HSPG2: variants seen among roughly 807,000 people sequenced by gnomAD.
HSPG2 encodes basement membrane-specific heparan sulfate proteoglycan core protein.
HSPG2 carries 278 observed loss-of-function variants against 526.6 expected under a neutral mutation model. The ratio of observed to expected loss-of-function variants is 0.53; its 90% CI spans 0.48 to 0.58. The LOEUF (loss-of-function observed/expected upper bound fraction) is 0.58. HSPG2 is among the 20% of genes least tolerant of loss of function. The pLI is 0.00. For synonymous variants in HSPG2, 2,465 were observed against 2,555.4 expected (o/e 0.96, Z 1.07); for missense variants, 5,354 against 6,099.5 (o/e 0.88, Z 4.07).
At chr1:21,889,931 G>C in intron 6 of HSPG2, 50 bp downstream of exon 6, 1 of 1,605,028 alleles carries the variant, frequency 6.2e-7, no homozygotes, top group Non-Finnish European at 8.5e-7. Flanking sequence ...CACTGAAAGG[G>C]GACCCCACGA....
chr1:21,925,880 T>C (rs1351141852), intron 1 of HSPG2, among the ~76,000 whole-genome samples: 1 of 152,030 alleles, frequency 6.6e-6, no homozygotes, highest in Non-Finnish European at 1.5e-5. Context: ...ATTTTTATTT[T>C]TTTTTTTGAG....
intron 71 of HSPG2, among the ~76,000 whole-genome samples, chr1:21,840,392 AC>A (rs1424451001): frequency 2.0e-5 from 3 of 151,620 alleles, no homozygotes; most frequent in Admixed American, 2.0e-4. Context: ...TGAAAGCTCT[AC>A]CTCCCAGGTT....
At chr1:21,913,126 T>C (rs190165442) in intron 1 of HSPG2, among the ~76,000 whole-genome samples, 78 of 152,258 alleles carry the variant, frequency 5.1e-4, no homozygotes, top group African/African-American at 1.7e-3. Flanking sequence ...CAAAGGGTCA[T>C]TTACCTTTCA....
rs1350310299 is a variant in HSPG2 at position 21,854,253 on chromosome 1, C to T, written c.6379G>A (p.Glu2127Lys). 6 of 1,590,566 alleles carry T rather than the reference C, an allele frequency of 3.8e-6. No individual in the cohort carries two copies. The highest frequency in any genetic ancestry group is 1.8e-5 in the Admixed American group (1 of 56,968). ...CRVENGSGPK[E>K]ASITVSVLHG... ...AGCACAGACACAGTAATGGAGGCCT[C>T]CTTGGGGCCCGATCCATTCTCCACA... The change falls in exon 50 of 97, where the codon GAG (glutamate) becomes AAG (lysine). Residue 2127 changes from glutamate to lysine, a missense_variant. Physicochemically the swap from Glu to Lys is moderately conservative, Grantham distance 56. Coordinates refer to ENST00000374695, the MANE Select transcript of HSPG2 (RefSeq NM_005529.7).
rs777957604 is a variant in HSPG2 at position 21,857,339 on chromosome 1, G to A, written c.5340C>T (p.Ser1780=). 1.9e-6 allele frequency: 3 copies of A among 1,614,030 alleles called. No homozygotes were observed. Among genetic ancestry groups the A allele is most frequent in the South Asian group, 2.2e-5 (2 of 91,080 alleles). The change falls in exon 43 of 97, where the codon AGC becomes AGT. Residue 1780 remains serine, a synonymous_variant. Coordinates refer to ENST00000374695, the MANE Select transcript of HSPG2 (RefSeq NM_005529.7). ...CGTCAGCTCCGGGGCGCACGCTCTG[G>A]CTCCGCTGCTCCTCCACAGTCACTG... ...PITVTVEEQR[S]QSVRPGADVT...
At chr1:21,911,840 C>A (rs573853070) in intron 1 of HSPG2, among the ~76,000 whole-genome samples, 9 of 152,194 alleles carry the variant, frequency 5.9e-5, no homozygotes, top group Non-Finnish European at 1.3e-4. Context: ...ACTCCCAGTT[C>A]GGTGCCAAGC....
chr1:21,825,121 C>T (rs1387385839), intron 91 of HSPG2: 2 of 374,256 alleles, frequency 5.3e-6, no homozygotes, highest in East Asian at 6.3e-5. Flanking sequence ...ATATCATTTA[C>T]ACATATTGCT....
intron 1 of HSPG2, chr1:21,908,078 T>C: frequency 1.3e-6 from 1 of 762,888 alleles, no homozygotes; most frequent in Non-Finnish European, 2.4e-6. Flanking sequence ...GGAACCGCCA[T>C]CTTCCAGTAA....
Position 21,887,456 on chromosome 1 carries a change from C to T in HSPG2, c.922G>A (p.Glu308Lys). 1 of 1,614,064 alleles carries T rather than the reference C, an allele frequency of 6.2e-7. No individual in the cohort carries two copies. Reference sequence around the variant, plus strand: ...TCATCGCTGCCGTCCTCGCAGTCCTCCTGTCCGTCGCAGAGGTAGTCTCTG... The same window carrying T: ...TCATCGCTGCCGTCCTCGCAGTCCTTCTGTCCGTCGCAGAGGTAGTCTCTG... The part of the protein sequence containing the change: ...IPRDYLCDGQ[E>K]DCEDGSDELD... The change falls in exon 8 of 97, where the codon GAG becomes AAG. Residue 308 changes from glutamate (E) to lysine (K), a missense_variant. Glu to Lys is a moderately conservative substitution (Grantham distance 56). Coordinates refer to ENST00000374695, the MANE Select transcript of HSPG2 (RefSeq NM_005529.7). The surrounding 1 kb of genome is among the most constrained non-coding windows in gnomAD (Gnocchi z 5.0).
rs191791205 is a variant in HSPG2, at chr1:21,895,054, G to A, written c.244+868C>T. Among the ~76,000 whole-genome samples the A allele has an allele frequency of 4.6e-5, 7 of 152,332 alleles. No homozygotes were observed. The East Asian group carries it at 1.4e-3, about 29-fold the overall frequency. ...CCCCGGATATGTCAGCTAAAGGGAG[G>A]TGACTCCACCCCTGAAGTAGGCCCA... is the stretch of plus-strand genomic sequence containing the variant. On this transcript the variant is annotated intron_variant, in intron 3 of 96. Coordinates refer to ENST00000374695, the MANE Select transcript of HSPG2 (RefSeq NM_005529.7). This position sits in a 1 kb window ranked among gnomAD's most constrained non-coding sequence, Gnocchi z 4.1.
chr1:21,829,280 C>G, intron 87 of HSPG2, 103 bp downstream of exon 87: 1 of 1,421,584 alleles, frequency 7.0e-7, no homozygotes, highest in Non-Finnish European at 9.9e-7. Context: ...GGGACTTGCC[C>G]TGATCCCTGC....
chr1:21,909,475 A>G (rs982062256), intron 1 of HSPG2, among the ~76,000 whole-genome samples: 1 of 152,212 alleles, frequency 6.6e-6, no homozygotes, highest in Non-Finnish European at 1.5e-5. Context: ...CATGTCTCAC[A>G]ATGTAAAAAC....
chr1:21,845,133 C>T (rs1638327261), intron 64 of HSPG2, among the ~76,000 whole-genome samples: 1 of 152,154 alleles, frequency 6.6e-6, no homozygotes, highest in Non-Finnish European at 1.5e-5. Flanking sequence ...GTAATCCCAG[C>T]TACTCAGGAG....
At chr1:21,832,250 CATGCATGA>C (rs1315621090) in intron 81 of HSPG2, among the ~76,000 whole-genome samples, 1 of 152,154 alleles carries the variant, frequency 6.6e-6, no homozygotes, top group African/African-American at 2.4e-5. Context: ...CTGATGCATG[CATGCATGA>C]ATGAATGAAT....
intron 1 of HSPG2, among the ~76,000 whole-genome samples, chr1:21,901,779 TG>T (rs1442130212): frequency 3.3e-5 from 5 of 152,066 alleles, no homozygotes; most frequent in African/African-American, 4.8e-5. Context: ...CCAGAGACAG[TG>T]CAGGGGCGGG....
At chr1:21,916,440 G>A (rs966008610) in intron 1 of HSPG2, among the ~76,000 whole-genome samples, 1 of 152,138 alleles carries the variant, frequency 6.6e-6, no homozygotes, top group Admixed American at 6.6e-5. Flanking sequence ...TGGAGGCAAA[G>A]CTCGCGGTGA....
rs557473153 is a variant in HSPG2 at position 21,835,330 on chromosome 1, C to G, written c.10453+210G>C. The G allele has an allele frequency of 5.5e-4, 343 of 618,594 alleles. 10 individuals carry two copies. The South Asian group carries it at 6.2e-3, about 11-fold the overall frequency. 38.3% of individuals were successfully genotyped at this position (618,594 alleles called of 1,614,324 possible). ...TCATCGGTTCATCTGAGCACTCACA[C>G]ACTCCATCCATATCCTTCTTCCCTC... On this transcript the variant is annotated intron_variant, in intron 76 of 96. Transcript: ENST00000374695.
chr1:21,863,640 G>C (rs944894941), intron 37 of HSPG2, among the ~76,000 whole-genome samples: 1 of 151,728 alleles, frequency 6.6e-6, no homozygotes, highest in Non-Finnish European at 1.5e-5. Context: ...CCAGCTACTC[G>C]GGAGGCTGAG....
Position 21,874,410 on chromosome 1 carries a change from C to T in HSPG2, c.3652G>A (p.Gly1218Ser), listed in dbSNP as rs778103999. 16 of 1,611,192 alleles carry T rather than the reference C, an allele frequency of 9.9e-6. No individual in the cohort carries two copies. The highest frequency in any genetic ancestry group is 1.3e-5 in the Non-Finnish European group (15 of 1,179,682). The change falls in exon 28 of 97, where the codon GGC (glycine) becomes AGC (serine). Residue 1218 changes from glycine to serine, a missense_variant. By Grantham distance (56) the Gly-to-Ser change is moderately conservative (BLOSUM62 0). Coordinates refer to ENST00000374695, the MANE Select transcript of HSPG2 (RefSeq NM_005529.7). ...GCAGGCAGGGACTGGACGCACTGGC[C>T]GGCAGCAGGGTCTCCGTAGCAGGGG... ...LCPCYGDPAA[G>S]QAAHTCFLDT...
Sources: allele counts gnomAD v4.1 joint callset (sites outside exome capture counted in the v4.1 genomes callset), GRCh38; gene constraint gnomAD v4.1.1; non-coding constraint Gnocchi (gnomAD v3.1); transcripts MANE v1.5; gene names NCBI Gene and HGNC (gene_info 2026-07-23, HGNC 2026-07-21).